C6: variants seen among roughly 807,000 people sequenced by gnomAD.
C6 encodes complement C6, also known as complement component C6.
C6 carries 101 observed loss-of-function variants against 112.9 expected under a neutral mutation model. The ratio of observed to expected loss-of-function variants is 0.89; its 90% CI spans 0.76 to 1.06. The LOEUF (loss-of-function observed/expected upper bound fraction) is 1.06. Among genes scored for constraint, C6 ranks in the 50% least tolerant of loss-of-function variants. The pLI, the probability that C6 is intolerant of heterozygous loss-of-function variation, is 0.00. For missense variants in C6, 1,202 were observed against 1,104.6 expected (o/e 1.09, Z -1.25); for synonymous variants, 431 against 384.1 (o/e 1.12, Z -1.43).
chr5:41,213,588 A>G, upstream of C6: 1 of 983,196 alleles, frequency 1.0e-6, no homozygotes, highest in Non-Finnish European at 1.2e-6. Flanking sequence ...AACTTTGCAA[A>G]TGATTACACC....
chr5:41,238,217 C>A (rs376867072), intron 1 of C6, among the ~76,000 whole-genome samples: 1 of 125,152 alleles, frequency 8.0e-6, no homozygotes, highest in African/African-American at 3.0e-5. Flanking sequence ...TCACAGAATT[C>A]GAAAAAACTA....
At chr5:41,230,701 C>T (rs529400385) in intron 1 of C6, among the ~76,000 whole-genome samples, 1 of 151,970 alleles carries the variant, frequency 6.6e-6, no homozygotes, top group Non-Finnish European at 1.5e-5. Context: ...GTTCGTACAC[C>T]CCCTCCCCTT....
chr5:41,219,426 T>C (rs1339383731), intron 1 of C6, among the ~76,000 whole-genome samples: 1 of 152,054 alleles, frequency 6.6e-6, no homozygotes, highest in African/African-American at 2.4e-5. Context: ...GCGCCCTTTG[T>C]TCTCTGGGGT....
rs912468393 is a variant in C6 at position 41,203,464 on chromosome 5, C to T, written c.-20-214G>A. On this transcript the variant is annotated intron_variant, in intron 1 of 17. Transcript: ENST00000337836. ...GTGGAGATTACCATAGGCACAACCT[C>T]CAGTACTAGTAAGTTTCTTCAAACG... 88 of 511,360 alleles carry T rather than the reference C, an allele frequency of 1.7e-4. 1 individual carries two copies. Among genetic ancestry groups the T allele is most frequent in the South Asian group, 1.7e-3 (82 of 49,384 alleles). The allele number at this position is 511,360 out of a possible 1,614,324, so 31.7% of individuals were successfully genotyped here.
chr5:41,219,528 T>G (rs1209970335), intron 1 of C6, among the ~76,000 whole-genome samples: 3 of 152,164 alleles, frequency 2.0e-5, no homozygotes, highest in Non-Finnish European at 4.4e-5. Flanking sequence ...GGGAAAATTG[T>G]TATTCTGAGT....
At chr5:41,172,860 ATCT>A (rs796874754) in intron 8 of C6, among the ~76,000 whole-genome samples, 106 of 152,122 alleles carry the variant, frequency 7.0e-4, no homozygotes, top group African/African-American at 2.5e-3. Context: ...TAAAATGCAA[ATCT>A]TCTTGGCCAT....
chr5:41,225,861 C>A (rs1466836706), intron 1 of C6, among the ~76,000 whole-genome samples: 1 of 152,128 alleles, frequency 6.6e-6, no homozygotes, highest in Non-Finnish European at 1.5e-5. Flanking sequence ...AAAGGATTCC[C>A]TATTTAATAA....
intron 9 of C6, among the ~76,000 whole-genome samples, chr5:41,163,267 A>G (rs1747690153): frequency 6.6e-6 from 1 of 151,920 alleles, no homozygotes; most frequent in Non-Finnish European, 1.5e-5. Flanking sequence ...AAGCATGTCA[A>G]AAATTTCAAG....
intron 4 of C6, among the ~76,000 whole-genome samples, chr5:41,198,663 A>T (rs1272615443): frequency 1.3e-5 from 2 of 152,212 alleles, no homozygotes; most frequent in African/African-American, 2.4e-5. Flanking sequence ...ATTGTTCATT[A>T]TAAATTGGTG....
chr5:41,252,017 G>A (rs556917856), intron 1 of C6, among the ~76,000 whole-genome samples: 23 of 152,306 alleles, frequency 1.5e-4, no homozygotes, highest in Non-Finnish European at 2.1e-4. Context: ...ATTTTATAGC[G>A]TGGCTATCTT....
At chr5:41,229,577 C>T (rs1012243670) in intron 1 of C6, among the ~76,000 whole-genome samples, 3 of 151,718 alleles carry the variant, frequency 2.0e-5, no homozygotes, top group African/African-American at 7.3e-5. Flanking sequence ...TGTGGTAAGA[C>T]TTTTTTTTGT....
chr5:41,145,494 C>A (rs912259887), intron 17 of C6, among the ~76,000 whole-genome samples: 1 of 152,066 alleles, frequency 6.6e-6, no homozygotes, highest in African/African-American at 2.4e-5. Context: ...ATTCATGTTG[C>A]CAAAATACCT....
At position 41,186,094 on chromosome 5, in the gene C6, G is replaced by A. The variant is rs780824580; in HGVS notation, c.702C>T (p.Ala234=). The A allele has an allele frequency of 6.2e-7, 1 of 1,613,838 alleles. No homozygotes were observed. Among genetic ancestry groups the A allele is most frequent in the Admixed American group, 1.7e-5 (1 of 59,960 alleles). The change falls in exon 6 of 18, where the codon GCC becomes GCT. Residue 234 remains alanine, a synonymous_variant. Transcript: ENST00000337836. ...CCTCAAAGCCGACATTTTCCAGATT[G>A]GCCGGAACACGGTATGGATTACTTG... ...SRTSNPYRVP[A]NLENVGFEVQ...
At chr5:41,148,349 A>G (rs1260470118) in intron 17 of C6, among the ~76,000 whole-genome samples, 2 of 152,216 alleles carry the variant, frequency 1.3e-5, no homozygotes, top group African/African-American at 4.8e-5. Context: ...AATATATAGA[A>G]TAACATGTAG....
chr5:41,255,637 T>A (rs1354521773), intron 1 of C6, among the ~76,000 whole-genome samples: 1 of 152,200 alleles, frequency 6.6e-6, no homozygotes, highest in African/African-American at 2.4e-5. Context: ...TTCTTATACC[T>A]GCCCTGATTG....
chr5:41,186,513 A>G (rs1319452737), intron 5 of C6: 4 of 344,056 alleles, frequency 1.2e-5, no homozygotes, highest in Non-Finnish European at 2.2e-5. Flanking sequence ...AAGCCAGTGC[A>G]AAGTTTGGAA....
chr5:41,238,753 A>T (rs1443732553), intron 1 of C6, among the ~76,000 whole-genome samples: 1 of 152,212 alleles, frequency 6.6e-6, no homozygotes, highest in Non-Finnish European at 1.5e-5. Context: ...ATACACAAAT[A>T]ACCTGAAGGG....
At chr5:41,148,669 A>T (rs1159921586) in intron 17 of C6, among the ~76,000 whole-genome samples, 2 of 152,168 alleles carry the variant, frequency 1.3e-5, no homozygotes, top group African/African-American at 4.8e-5. Context: ...GACCCCACGC[A>T]TGGTGGGGAG....
At chr5:41,186,683 A>C (rs1749795602) in intron 5 of C6, among the ~76,000 whole-genome samples, 3 of 152,138 alleles carry the variant, frequency 2.0e-5, no homozygotes, top group Admixed American at 6.6e-5. Flanking sequence ...TATAATATTT[A>C]AAATATATTT....
Sources: allele counts gnomAD v4.1 joint callset (sites outside exome capture counted in the v4.1 genomes callset), GRCh38; gene constraint gnomAD v4.1.1; transcripts MANE v1.5; gene names NCBI Gene and HGNC (gene_info 2026-07-23, HGNC 2026-07-21).